Variants in SNTG1 observed in about 807,000 individuals in gnomAD.
SNTG1 encodes the protein syntrophin gamma 1, also known as gamma-1-syntrophin.
A neutral mutation model predicts 74.7 loss-of-function variants in SNTG1; 39 were observed. The ratio of observed to expected loss-of-function variants is 0.52; its 90% CI spans 0.40 to 0.68. The LOEUF (loss-of-function observed/expected upper bound fraction) is 0.68, where lower values mean the gene tolerates loss of function less well. Among genes scored for constraint, SNTG1 ranks in the 30% least tolerant of loss-of-function variants. The pLI, the probability that SNTG1 is intolerant of heterozygous loss-of-function variation, is 0.00. For synonymous variants in SNTG1, 254 were observed against 217.1 expected (o/e 1.17, Z -1.49); for missense variants, 685 against 609.5 (o/e 1.12, Z -1.30).
chr8:50,669,482 C>T (rs1197310801), intron 15 of SNTG1, among the ~76,000 whole-genome samples: 1 of 152,136 alleles, frequency 6.6e-6, no homozygotes, highest in African/African-American at 2.4e-5. Context: ...CATCCCAAGA[C>T]TAAACCAGGA....
chr8:49,965,856 C>G (rs2129823385), intron 1 of SNTG1, among the ~76,000 whole-genome samples: 1 of 152,214 alleles, frequency 6.6e-6, no homozygotes. Flanking sequence ...TTTCTAACTT[C>G]CTCCTGTGAT....
At chr8:50,744,528 T>G (rs921282883) in intron 17 of SNTG1, among the ~76,000 whole-genome samples, 2 of 151,996 alleles carry the variant, frequency 1.3e-5, no homozygotes, top group Non-Finnish European at 2.9e-5. Context: ...GTCACTGATA[T>G]TTTTTGAAGA....
chr8:50,581,218 G>A (rs2094607821), intron 12 of SNTG1, among the ~76,000 whole-genome samples: 1 of 152,094 alleles, frequency 6.6e-6, no homozygotes, highest in African/African-American at 2.4e-5. Context: ...ATGATAAATG[G>A]GATGACTAAA....
At chr8:50,755,215 T>G (rs1047631334) in intron 18 of SNTG1, among the ~76,000 whole-genome samples, 3 of 151,858 alleles carry the variant, frequency 2.0e-5, no homozygotes, top group African/African-American at 7.2e-5. Context: ...TATAGTATCA[T>G]AGTCGTTTCA....
intron 11 of SNTG1, 111 bp downstream of exon 11, chr8:50,536,919 G>A: frequency 1.6e-6 from 2 of 1,277,774 alleles, no homozygotes; most frequent in South Asian, 1.7e-5. Flanking sequence ...GTTTTTGATA[G>A]TAGAAAGAAG....
rs753190102 is a variant in SNTG1 at position 50,658,712 on chromosome 8, A to G, written c.1038+49A>G. 2.3e-6 allele frequency: 3 copies of G among 1,311,772 alleles called. No homozygotes were observed. The Admixed American group carries it at 5.5e-5, about 24-fold the overall frequency. The allele number at this position is 1,311,772 out of a possible 1,614,324, so 81.3% of individuals were successfully genotyped here. A position where few individuals can be genotyped will look rare whatever the true frequency, so the allele number is the denominator to read the frequency against. On this transcript the variant is annotated intron_variant, in intron 15 of 18. Transcript: ENST00000642720. The stretch of plus-strand genomic sequence containing the variant: ...TTTGAATGGCTTTTCCTCAGCAAAT[A>G]GTGCCTCTGGGCTCATAAGCAGCTC...
intron 1 of SNTG1, among the ~76,000 whole-genome samples, chr8:50,153,643 T>C (rs1226159925): frequency 1.3e-5 from 2 of 152,238 alleles, no homozygotes; most frequent in Non-Finnish European, 1.5e-5. Context: ...CAGCTGCAGG[T>C]CTGCTGGAGT....
At chr8:50,090,123 G>A (rs929708143) in intron 1 of SNTG1, among the ~76,000 whole-genome samples, 3 of 152,144 alleles carry the variant, frequency 2.0e-5, no homozygotes, top group Admixed American at 1.3e-4. Flanking sequence ...TCAATTAATT[G>A]TATACCAGTC....
intron 2 of SNTG1, among the ~76,000 whole-genome samples, chr8:50,326,697 T>G (rs2130850365): frequency 6.6e-6 from 1 of 151,846 alleles, no homozygotes; most frequent in East Asian, 1.9e-4. Flanking sequence ...TTTCACAGGC[T>G]TTTGCTCTAA....
intron 18 of SNTG1, among the ~76,000 whole-genome samples, chr8:50,783,420 C>G (rs948999948): frequency 6.6e-6 from 1 of 152,236 alleles, no homozygotes; most frequent in Non-Finnish European, 1.5e-5. Context: ...CCTCCCCCAG[C>G]CTCACTGCTG....
At chr8:50,441,743 A>G (rs1340073491) in intron 5 of SNTG1, among the ~76,000 whole-genome samples, 1 of 152,140 alleles carries the variant, frequency 6.6e-6, no homozygotes, top group African/African-American at 2.4e-5. Flanking sequence ...TTGGAAAGTC[A>G]TACTTACCAT....
At chr8:50,506,321 A>G (rs1339014812) in intron 9 of SNTG1, among the ~76,000 whole-genome samples, 3 of 152,060 alleles carry the variant, frequency 2.0e-5, no homozygotes, top group Non-Finnish European at 4.4e-5. Flanking sequence ...ATTTTTGACT[A>G]TTCAGAATTC....
At chr8:50,352,209 AAATTAGATAATTAGC>A (rs1336812989) in intron 2 of SNTG1, among the ~76,000 whole-genome samples, 17 of 152,162 alleles carry the variant, frequency 1.1e-4, no homozygotes, top group Non-Finnish European at 2.2e-4. Context: ...AGGGTAAGTA[AAATTAGATAATTAGC>A]TTAAGACTGG....
At chr8:50,094,389 A>G (rs1173315516) in intron 1 of SNTG1, among the ~76,000 whole-genome samples, 1 of 152,170 alleles carries the variant, frequency 6.6e-6, no homozygotes, top group Non-Finnish European at 1.5e-5. Flanking sequence ...AAGAGAGGAA[A>G]CACACAGTCT....
intron 1 of SNTG1, among the ~76,000 whole-genome samples, chr8:49,988,206 C>T (rs1813353793): frequency 6.6e-6 from 1 of 151,974 alleles, no homozygotes; most frequent in Non-Finnish European, 1.5e-5. Context: ...TAAAAATGGG[C>T]GTGCAGAGTT....
At chr8:50,106,971 G>T (rs2080396390) in intron 1 of SNTG1, among the ~76,000 whole-genome samples, 1 of 152,120 alleles carries the variant, frequency 6.6e-6, no homozygotes, top group South Asian at 2.1e-4. Context: ...CTAAATTAAA[G>T]TTTTATGATT....
At chr8:50,115,656 A>G (rs1453402216) in intron 1 of SNTG1, among the ~76,000 whole-genome samples, 1 of 151,624 alleles carries the variant, frequency 6.6e-6, no homozygotes, top group East Asian at 1.9e-4. Flanking sequence ...AAGTGATGAC[A>G]AATGAGTGCT....
intron 9 of SNTG1, among the ~76,000 whole-genome samples, chr8:50,529,063 A>G (rs1006244667): frequency 6.6e-6 from 1 of 151,890 alleles, no homozygotes; most frequent in Non-Finnish European, 1.5e-5. Flanking sequence ...TGACTACTTA[A>G]GATTCAGTCA....
chr8:50,679,280 T>A (rs1395099337), intron 15 of SNTG1, among the ~76,000 whole-genome samples: 1 of 152,142 alleles, frequency 6.6e-6, no homozygotes, highest in Non-Finnish European at 1.5e-5. Context: ...CATGGATTAC[T>A]GAATTAGTTG....
Sources: gnomAD v4.1 joint callset for allele counts (sites outside exome capture counted in the v4.1 genomes callset) on GRCh38, gnomAD v4.1.1 for gene constraint, MANE v1.5 for transcripts, NCBI Gene and HGNC (gene_info 2026-07-23, HGNC 2026-07-21) for gene names.